MTHFD1L: variants seen among roughly 807,000 people sequenced by gnomAD.
MTHFD1L encodes methylenetetrahydrofolate dehydrogenase (NADP+ dependent) 1 like, also known as monofunctional C1-tetrahydrofolate synthase, mitochondrial.
In MTHFD1L, 81 loss-of-function variants were observed where a neutral mutation model predicts 119.5. That is an observed-to-expected ratio of 0.68 (90% confidence interval 0.57 to 0.82). MTHFD1L has a LOEUF of 0.82. MTHFD1L is among the 40% of genes least tolerant of loss of function. The probability of loss-of-function intolerance (pLI) is 0.00; values close to 1 mark genes in which losing one functional copy is unlikely to be tolerated. For missense variants in MTHFD1L, 1,125 were observed against 1,253.4 expected (o/e 0.90, Z 1.55); for synonymous variants, 430 against 475.2 (o/e 0.90, Z 1.24).
intron 8 of MTHFD1L, among the ~76,000 whole-genome samples, chr6:150,913,777 T>C (rs1009189729): frequency 2.0e-5 from 3 of 152,158 alleles, no homozygotes; most frequent in Non-Finnish European, 4.4e-5. Flanking sequence ...GCTGATTGCT[T>C]GAGCTCACGA....
chr6:150,999,099 C>G (rs1428704741), intron 20 of MTHFD1L, among the ~76,000 whole-genome samples: 1 of 151,700 alleles, frequency 6.6e-6, no homozygotes, highest in Non-Finnish European at 1.5e-5. Context: ...CAAGATATCT[C>G]GTTATGTATA....
chr6:150,865,758 G>A lies in MTHFD1L; in HGVS notation c.-65G>A. The A allele has an allele frequency of 1.7e-6, 2 of 1,199,366 alleles. No homozygotes were observed. The highest frequency in any genetic ancestry group is 1.0e-6 in the Non-Finnish European group (1 of 965,306). 74.3% of individuals were successfully genotyped at this position (1,199,366 alleles called of 1,614,324 possible). A position where few individuals can be genotyped will look rare whatever the true frequency, so the allele number is the denominator to read the frequency against. On this transcript the variant is annotated 5_prime_UTR_variant, in exon 1 of 28. Transcript: ENST00000367321. ...GCCGCCGCCGCCGCCTGCTCCCCTG[G>A]CACGCGCCCCGCCGCCCTCGGCAGC...
Position 150,948,970 on chromosome 6 carries a change from G to A in MTHFD1L, c.1624-61G>A. The A allele has an allele frequency of 5.3e-6, 7 of 1,328,376 alleles. No individual in the cohort carries two copies. The South Asian group carries it at 8.6e-5, about 16-fold the overall frequency. The allele number at this position is 1,328,376 out of a possible 1,614,324, so 82.3% of individuals were successfully genotyped here. A position where few individuals can be genotyped will look rare whatever the true frequency, so the allele number is the denominator to read the frequency against. ...AAAATAAAATTAGAGGGATAATTTT[G>A]GTGACCCTTTGCTTTCTGTTTCTTC... On this transcript the variant is annotated intron_variant, in intron 15 of 27. Coordinates refer to ENST00000367321, the MANE Select transcript of MTHFD1L (RefSeq NM_015440.5).
At chr6:150,933,111 T>C (rs886523030) in intron 11 of MTHFD1L, among the ~76,000 whole-genome samples, 5 of 152,130 alleles carry the variant, frequency 3.3e-5, no homozygotes, top group African/African-American at 1.2e-4. Flanking sequence ...TCCCGAACTG[T>C]ATTAGTTGGC....
At position 150,962,967 on chromosome 6, in the gene MTHFD1L, A is replaced by C. The variant is rs561535744; in HGVS notation, c.1945-2002A>C. ...GTCTTGCTCTATTGCCCAGGCTGGA[A>C]TGCAATGGTGCAATCTAAGCTCACT... On this transcript the variant is annotated intron_variant, in intron 18 of 27. Transcript: ENST00000367321. 1.9e-3 allele frequency among the ~76,000 whole-genome samples: 266 copies of C among 141,816 alleles called. 1 individual carries two copies. Among genetic ancestry groups the C allele is most frequent in the African/African-American group, 6.7e-3 (250 of 37,400 alleles). The allele number at this position is 141,816 out of a possible 152,430, so 93.0% of individuals were successfully genotyped here. A position where few individuals can be genotyped will look rare whatever the true frequency, so the allele number is the denominator to read the frequency against.
chr6:150,938,610 GGTTTGGGGAGCTGTGTCCCTTGGCCT>G, intron 12 of MTHFD1L, 63 bp from the exon 13 acceptor site: 9 of 1,404,138 alleles, frequency 6.4e-6, no homozygotes, highest in Non-Finnish European at 7.9e-6. Flanking sequence ...CTCTCTGTTG[GGTTTGGGGAGCTGTGTCCCTTGGCCT>G]GTGTCCATCG....
At chr6:150,923,498 A>G (rs1460266426) in intron 10 of MTHFD1L, among the ~76,000 whole-genome samples, 2 of 102,064 alleles carry the variant, frequency 2.0e-5, no homozygotes, top group Admixed American at 2.0e-4. Flanking sequence ...AAATCCCTCT[A>G]GTAACTGACA....
rs192195849 is a variant in MTHFD1L, at chr6:151,093,324, T to C, written c.*31+737T>C. Among the ~76,000 whole-genome samples, 547 of 152,286 alleles carry C rather than the reference T, an allele frequency of 3.6e-3. 1 individual carries two copies. Among genetic ancestry groups the C allele is most frequent in the African/African-American group, 0.012 (516 of 41,562 alleles). On this transcript the variant is annotated intron_variant, in intron 27 of 27. Coordinates refer to ENST00000367321, the MANE Select transcript of MTHFD1L (RefSeq NM_015440.5). ...ACCTCTTATAAGGACCCCAGTCCTA[T>C]TGGATTAGGGCCCACCCTAAGAACC...
intron 20 of MTHFD1L, among the ~76,000 whole-genome samples, chr6:150,983,527 G>A (rs2128425340): frequency 6.6e-6 from 1 of 152,230 alleles, no homozygotes; most frequent in African/African-American, 2.4e-5. Flanking sequence ...TTTGTCCCAG[G>A]CTCTGCAGCA....
intron 27 of MTHFD1L, among the ~76,000 whole-genome samples, chr6:151,096,827 C>T (rs1051256002): frequency 6.6e-6 from 1 of 152,136 alleles, no homozygotes; most frequent in African/African-American, 2.4e-5. Context: ...TGTCTCACCT[C>T]CTAGGAAACC....
chr6:151,023,048 GTTTTT>G (rs34683676), intron 24 of MTHFD1L, among the ~76,000 whole-genome samples: 1 of 134,170 alleles, frequency 7.5e-6, no homozygotes, highest in Non-Finnish European at 1.6e-5. Context: ...TGGTTTTTGG[GTTTTT>G]TTTTTTTTTT....
At chr6:150,920,796 G>A (rs779376810) in intron 9 of MTHFD1L, among the ~76,000 whole-genome samples, 2 of 151,616 alleles carry the variant, frequency 1.3e-5, no homozygotes, top group African/African-American at 2.4e-5. Flanking sequence ...TATTTGAGAC[G>A]GGGTCTCACT....
intron 7 of MTHFD1L, among the ~76,000 whole-genome samples, chr6:150,890,246 G>A (rs934572626): frequency 6.6e-6 from 1 of 152,108 alleles, no homozygotes; most frequent in South Asian, 2.1e-4. Flanking sequence ...ACAAAGGTGT[G>A]TTTACAAATG....
chr6:150,936,849 C>T lies in MTHFD1L; in HGVS notation c.1302C>T (p.Ile434=), dbSNP rs140780101. 4.2e-4 allele frequency: 671 copies of T among 1,613,934 alleles called. No individual in the cohort carries two copies. The highest frequency in any genetic ancestry group is 5.3e-4 in the Non-Finnish European group (625 of 1,179,948). The part of the protein sequence containing the change: ...PLGEGKSTVT[I]GLVQALTAHL... ...GAGAAGGGAAGAGCACAGTCACCAT[C>T]GGGCTTGTGCAGGCTCTGACCGCAC... Residue 434 remains isoleucine, a synonymous_variant, in exon 12 of 28, where the codon ATC becomes ATT. Transcript: ENST00000367321.
At chr6:150,911,047 A>AT (rs1233620181) in intron 8 of MTHFD1L, among the ~76,000 whole-genome samples, 1 of 151,952 alleles carries the variant, frequency 6.6e-6, no homozygotes, top group East Asian at 1.9e-4. Flanking sequence ...TCTTTTATTT[A>AT]TTTTTTCCTG....
chr6:151,029,367 G>A (rs932691336), intron 24 of MTHFD1L, among the ~76,000 whole-genome samples: 21 of 151,928 alleles, frequency 1.4e-4, no homozygotes, highest in Admixed American at 1.4e-3. Context: ...GTTACCGTGA[G>A]CCAAGATCGC....
chr6:150,896,436 A>T (rs548174655), intron 7 of MTHFD1L, among the ~76,000 whole-genome samples: 9 of 152,272 alleles, frequency 5.9e-5, no homozygotes, highest in South Asian at 4.1e-4. Context: ...AGCCTCAGTT[A>T]TGTGAGTTCA....
At position 150,885,645 on chromosome 6, in the gene MTHFD1L, T is replaced by C. The variant is rs1481301943; in HGVS notation, c.554T>C (p.Ile185Thr). The change falls in exon 6 of 28, where the codon ATA becomes ACA. Residue 185 changes from isoleucine to threonine, a missense_variant. Ile to Thr is a moderately conservative substitution (Grantham distance 89, BLOSUM62 -1). This residue lies in a region of MTHFD1L where 1,058 missense variants were observed against 1,151.2 expected (regional missense o/e 0.92). Coordinates refer to ENST00000367321, the MANE Select transcript of MTHFD1L (RefSeq NM_015440.5). The stretch of plus-strand genomic sequence containing the variant: ...ATTTTCTGATTCAGAGTAACAGACA[T>C]AAACCTGGGGAAGCTGGTGCGAGGG... ...PEKDVDGVTD[I>T]NLGKLVRGDA... 1 of 1,613,920 alleles carries C rather than the reference T, an allele frequency of 6.2e-7. No homozygotes were observed. Among genetic ancestry groups the C allele is most frequent in the Non-Finnish European group, 8.5e-7 (1 of 1,179,872 alleles).
intron 26 of MTHFD1L, among the ~76,000 whole-genome samples, chr6:151,090,688 C>T (rs569497393): frequency 3.9e-5 from 6 of 152,352 alleles, no homozygotes; most frequent in African/African-American, 2.4e-5. Context: ...CAGGCAAACC[C>T]TGGATGCCAT....
Sources: gnomAD v4.1 joint callset for allele counts (sites outside exome capture counted in the v4.1 genomes callset) on GRCh38, gnomAD v4.1.1 for gene constraint, gnomAD v4.1.1 regional missense constraint, MANE v1.5 for transcripts, NCBI Gene and HGNC (gene_info 2026-07-23, HGNC 2026-07-21) for gene names.